Variants in GRXCR2 observed in about 807,000 individuals in gnomAD.
GRXCR2 encodes glutaredoxin domain-containing cysteine-rich protein 2.
Under a neutral mutation model 24.8 loss-of-function variants are expected in GRXCR2, and 23 were observed. The observed-to-expected ratio is 0.93, with a 90% confidence interval of 0.67 to 1.32. GRXCR2 has a LOEUF of 1.32. Ranked by LOEUF, GRXCR2 falls within the 40% of genes most tolerant of loss-of-function variation. The probability of loss-of-function intolerance (pLI) is 0.00; values close to 1 mark genes in which losing one functional copy is unlikely to be tolerated. For missense variants in GRXCR2, 315 were observed against 303.4 expected, an observed-to-expected ratio of 1.04 and a Z score of -0.28; for synonymous variants, 130 against 116.1, an observed-to-expected ratio of 1.12 and a Z score of -0.77.
In GRXCR2 at chr5:145,906,668, ATCCCTAAACAGTCAT is replaced by A. The variant is rs1181229496; in HGVS notation, c.-70+29018_-70+29032del. ...TTAGATAGAGTTGGGCACTGTGTTA[ATCCCTAAACAGTCAT>A]TCACTCACCTAATAAATATGTTTCA... On this transcript the variant is annotated intron_variant, in intron 2 of 3. Transcript: ENST00000639411. Among the ~76,000 whole-genome samples the A allele has an allele frequency of 3.3e-5, 5 of 152,304 alleles. No individual in the cohort carries two copies. In the East Asian group the frequency reaches 9.6e-4, roughly 29 times the overall value.
intron 2 of GRXCR2, among the ~76,000 whole-genome samples, chr5:145,905,559 A>T (rs1757080216): frequency 1.3e-5 from 2 of 152,356 alleles, no homozygotes; most frequent in South Asian, 2.1e-4. Context: ...ATTGGTATTT[A>T]CATATATAAC....
rs1304484343 is a variant in GRXCR2 at position 145,889,232 on chromosome 5, G to GAAA, written c.-69-22507_-69-22505dup. Among the ~76,000 whole-genome samples, 4 of 148,730 alleles carry GAAA rather than the reference G, an allele frequency of 2.7e-5. No homozygotes were observed. In the East Asian group the frequency reaches 7.9e-4, roughly 30 times the overall value. ...AGAAAGAAAGAAAGAAAGAAAGAAA[G>GAAA]AAAGAAAGAAAGAATTATGCAATGG... On this transcript the variant is annotated intron_variant, in intron 2 of 3. Coordinates refer to the GRXCR2 transcript ENST00000639411.
At chr5:145,921,086 C>T (rs1757315247) in intron 2 of GRXCR2, among the ~76,000 whole-genome samples, 1 of 152,244 alleles carries the variant, frequency 6.6e-6, no homozygotes. Flanking sequence ...AGACACTAAA[C>T]ATAAATATCT....
At chr5:145,874,096 CCTTTCTCCCTGT>C (rs1756575416), upstream of GRXCR2, among the ~76,000 whole-genome samples, 1 of 152,154 alleles carries the variant, frequency 6.6e-6, no homozygotes, top group East Asian at 1.9e-4. Context: ...TGGAGTAAAG[CCTTTCTCCCTGT>C]CTTTGCTACC....
At chr5:145,925,648 T>C (rs1006572216) in intron 2 of GRXCR2, among the ~76,000 whole-genome samples, 1 of 152,186 alleles carries the variant, frequency 6.6e-6, no homozygotes, top group Non-Finnish European at 1.5e-5. Context: ...ACAGACATGG[T>C]TCCTGCACCA....
chr5:145,859,083 T>C lies in GRXCR2; in HGVS notation c.*650A>G, dbSNP rs1486550396. ...GTTAGAGGCACACAAAAATGTCTTA[T>C]CTCATCTTGACTTAAGAAATAGTAT... On this transcript the variant is annotated 3_prime_UTR_variant, in exon 3 of 3. Transcript: ENST00000377976. 1 of 152,276 alleles carries C rather than the reference T, an allele frequency of 6.6e-6. No homozygotes were observed. Among genetic ancestry groups the C allele is most frequent in the East Asian group, 1.9e-4 (1 of 5,196 alleles). The allele number at this position is 152,276 out of a possible 1,614,324, so 9.4% of individuals were successfully genotyped here. A position where few individuals can be genotyped will look rare whatever the true frequency, so the allele number is the denominator to read the frequency against.
At position 145,888,513 on chromosome 5, in the gene GRXCR2, G is replaced by A. The variant is rs189496653; in HGVS notation, c.-69-21785C>T. Among the ~76,000 whole-genome samples the A allele has an allele frequency of 2.0e-3, 300 of 152,276 alleles. 1 individual carries two copies. The highest frequency in any genetic ancestry group is 6.8e-3 in the African/African-American group (281 of 41,558). On this transcript the variant is annotated intron_variant, in intron 2 of 3. Transcript: ENST00000639411. Reference sequence around the variant, plus strand: ...TGCAGGTTACTTGATCTAGGAGAATGTAACAAGGATGCCAAGGTTTTGGCA... The same window carrying A: ...TGCAGGTTACTTGATCTAGGAGAATATAACAAGGATGCCAAGGTTTTGGCA...
chr5:145,889,234 A>AAG (rs1180703220), intron 2 of GRXCR2, among the ~76,000 whole-genome samples: 1 of 149,964 alleles, frequency 6.7e-6, no homozygotes. Flanking sequence ...GAAAGAAAGA[A>AAG]AGAAAGAAAG....
chr5:145,890,465 ATT>A (rs1398856203), intron 2 of GRXCR2, among the ~76,000 whole-genome samples: 1 of 152,206 alleles, frequency 6.6e-6, no homozygotes, highest in East Asian at 1.9e-4. Flanking sequence ...AATTACTGGC[ATT>A]CCTGAGAGAG....
intron 2 of GRXCR2, among the ~76,000 whole-genome samples, chr5:145,890,094 G>A (rs1446865938): frequency 6.6e-6 from 1 of 152,128 alleles, no homozygotes; most frequent in Non-Finnish European, 1.5e-5. Context: ...TGTTTTGTTT[G>A]TTTGTTTTTT....
At position 145,859,006 on chromosome 5, in the gene GRXCR2, T is replaced by C. The variant is rs1243696318; in HGVS notation, c.*727A>G. The C allele has an allele frequency of 6.6e-6, 1 of 152,230 alleles. No individual in the cohort carries two copies. The highest frequency in any genetic ancestry group is 1.5e-5 in the Non-Finnish European group (1 of 68,066). The allele number at this position is 152,230 out of a possible 1,614,324, so 9.4% of individuals were successfully genotyped here. ...AAGAAGTTATATCATACACACATAT[T>C]TGAGCACCAAATTTATCATAAATAA... On this transcript the variant is annotated 3_prime_UTR_variant, in exon 3 of 3. Coordinates refer to ENST00000377976, the MANE Select transcript of GRXCR2 (RefSeq NM_001080516.2).
Position 145,917,057 on chromosome 5 carries a change from A to G in GRXCR2, c.-70+18644T>C, listed in dbSNP as rs573174831. 1.6e-3 allele frequency among the ~76,000 whole-genome samples: 231 copies of G among 143,932 alleles called. 1 individual carries two copies. The highest frequency in any genetic ancestry group is 2.7e-3 in the Admixed American group (39 of 14,522). 94.4% of individuals were successfully genotyped at this position (143,932 alleles called of 152,430 possible). ...GAGCCATTGCCAGATTTATTTCCTA[A>G]GCATCTTTTTTTTTTTTTTTGAAAA... On this transcript the variant is annotated intron_variant, in intron 2 of 3. Coordinates refer to the GRXCR2 transcript ENST00000639411.
intron 2 of GRXCR2, among the ~76,000 whole-genome samples, chr5:145,908,743 A>C (rs1199019076): frequency 6.6e-6 from 1 of 152,228 alleles, no homozygotes; most frequent in East Asian, 1.9e-4. Context: ...TTCCAGCTCC[A>C]GTTCTTTGGC....
chr5:145,894,430 A>G (rs1180818966), intron 2 of GRXCR2, among the ~76,000 whole-genome samples: 2 of 152,234 alleles, frequency 1.3e-5, no homozygotes, highest in African/African-American at 4.8e-5. Flanking sequence ...AATAGACGCA[A>G]TGAAAAATGA....
At chr5:145,904,671 C>A (rs965453210) in intron 2 of GRXCR2, among the ~76,000 whole-genome samples, 4 of 152,220 alleles carry the variant, frequency 2.6e-5, no homozygotes, top group Non-Finnish European at 5.9e-5. Context: ...CAGAGTAAGT[C>A]AGATGCTGGC....
chr5:145,930,264 T>C (rs1401357996), intron 2 of GRXCR2, among the ~76,000 whole-genome samples: 1 of 152,034 alleles, frequency 6.6e-6, no homozygotes, highest in Non-Finnish European at 1.5e-5. Context: ...TTTGTATTTT[T>C]AGTAGAGATG....
intron 2 of GRXCR2, among the ~76,000 whole-genome samples, chr5:145,881,906 A>G (rs1756707903): frequency 6.6e-6 from 1 of 152,246 alleles, no homozygotes; most frequent in South Asian, 2.1e-4. Flanking sequence ...CTTGACAAAA[A>G]CAAGAAGTGG....
chr5:145,881,116 G>A (rs947846819), intron 2 of GRXCR2, among the ~76,000 whole-genome samples: 3 of 152,280 alleles, frequency 2.0e-5, no homozygotes, highest in Admixed American at 6.5e-5. Flanking sequence ...TTGAATACTG[G>A]CACAAGCCAA....
At chr5:145,919,086 G>A (rs954354918) in intron 2 of GRXCR2, among the ~76,000 whole-genome samples, 2 of 152,146 alleles carry the variant, frequency 1.3e-5, no homozygotes, top group African/African-American at 4.8e-5. Context: ...TCAAGTCGGG[G>A]CAGACTCCTC....
Sources: allele counts gnomAD v4.1 joint callset (sites outside exome capture counted in the v4.1 genomes callset), GRCh38; gene constraint gnomAD v4.1.1; transcripts MANE v1.5; gene names NCBI Gene and HGNC (gene_info 2026-07-23, HGNC 2026-07-21).